The following LENG8 variants were observed in gnomAD, a reference collection of about 807,000 sequenced individuals.
The protein encoded by LENG8 is leukocyte receptor cluster member 8, also known as leukocyte receptor cluster (LRC) member 8.
LENG8 carries 28 observed loss-of-function variants against 102.1 expected under a neutral mutation model. The observed-to-expected ratio is 0.27, with a 90% CI of 0.20 to 0.38. The LOEUF is 0.38. Among genes scored for constraint, LENG8 ranks in the 10% least tolerant of loss-of-function variants. LENG8 has a pLI of 1.00. For missense variants in LENG8, 1,022 were observed against 1,113.9 expected, an observed-to-expected ratio of 0.92 and a Z score of 1.17; for synonymous variants, 531 against 456.7, an observed-to-expected ratio of 1.16 and a Z score of -2.07.
Position 54,455,426 on chromosome 19 carries a change from A to C in LENG8, c.884A>C (p.Glu295Ala). The C allele has an allele frequency of 6.2e-7, 1 of 1,614,098 alleles. No homozygotes were observed. The highest frequency in any genetic ancestry group is 8.5e-7 in the Non-Finnish European group (1 of 1,180,030). Reference protein sequence around the residue: ...KPDDWPQDMKEYVERCFTACE... With the variant: ...KPDDWPQDMKAYVERCFTACE... ...GATGACTGGCCCCAGGACATGAAAG[A>C]GTATGTGGAGCGCTGCTTCACCGCC... is the stretch of plus-strand genomic sequence containing the variant. The change falls in exon 8 of 16, where the codon GAG becomes GCG. Residue 295 changes from glutamate to alanine, a missense_variant. By Grantham distance (107) the Glu-to-Ala change is moderately radical. Transcript: ENST00000326764.
chr19:54,450,816 C>T (rs1230753449), intron 1 of LENG8, among the ~76,000 whole-genome samples: 2 of 152,126 alleles, frequency 1.3e-5, no homozygotes, highest in Non-Finnish European at 2.9e-5. Flanking sequence ...GACGTGGTTA[C>T]TCCATGTTGG....
Position 54,455,399 on chromosome 19 carries a change from C to A in LENG8, c.857C>A (p.Pro286Gln). The change falls in exon 8 of 16, where the codon CCG becomes CAG. Residue 286 changes from proline to glutamine, a missense_variant. Transcript: ENST00000326764. The stretch of plus-strand genomic sequence containing the variant: ...GCCCGGGGGAACCTGTCTGGGAAGC[C>A]GGATGACTGGCCCCAGGACATGAAA... ...SSARGNLSGK[P>Q]DDWPQDMKEY... is the part of the protein sequence containing the mutation. 1 of 1,614,150 alleles carries A rather than the reference C, an allele frequency of 6.2e-7. No individual in the cohort carries two copies. Among genetic ancestry groups the A allele is most frequent in the African/African-American group, 1.3e-5 (1 of 75,042 alleles).
rs767057605 is a variant in LENG8 at position 54,460,188 on chromosome 19, C to CTG, written c.2241-569_2241-568dup. ...TGCCCCTCACTCGGTGCCTGGGTTC[C>CTG]TGTGTGTGTGGAAAGGGTAGGGCTG... On this transcript the variant is annotated intron_variant, in intron 15 of 15. Coordinates refer to ENST00000326764, the MANE Select transcript of LENG8 (RefSeq NM_052925.4). 175 of 1,289,934 alleles carry CTG rather than the reference C, an allele frequency of 1.4e-4. 1 individual carries two copies. The Middle Eastern group carries it at 3.2e-3, about 24-fold the overall frequency. The allele number at this position is 1,289,934 out of a possible 1,614,324, so 79.9% of individuals were successfully genotyped here.
chr19:54,461,500 C>T lies in LENG8; in HGVS notation c.*572C>T, dbSNP rs2123237940. The T allele has an allele frequency of 2.1e-6, 1 of 468,472 alleles. No homozygotes were observed. The highest frequency in any genetic ancestry group is 6.9e-5 in the East Asian group (1 of 14,400). 29.0% of individuals were successfully genotyped at this position (468,472 alleles called of 1,614,324 possible). On this transcript the variant is annotated 3_prime_UTR_variant, in exon 16 of 16. Coordinates refer to ENST00000326764, the MANE Select transcript of LENG8 (RefSeq NM_052925.4). ...CCCCCACCCTGAAGTGCCAGCACCACCAGCACCAGATCCTCCGCCGCCACA... is the reference window on the plus strand; with the variant it reads ...CCCCCACCCTGAAGTGCCAGCACCATCAGCACCAGATCCTCCGCCGCCACA...
rs576662339 is a variant in LENG8 at position 54,460,326 on chromosome 19, G to A, written c.2241-440G>A. On this transcript the variant is annotated intron_variant, in intron 15 of 15. Coordinates refer to ENST00000326764, the MANE Select transcript of LENG8 (RefSeq NM_052925.4). ...GTGACTGCTTTCAGTGTGTAGTGGT[G>A]AGTGCTAGCTGGCACCCCTGCGCCT... The A allele has an allele frequency of 3.3e-6, 4 of 1,229,850 alleles. No homozygotes were observed. The East Asian group carries it at 1.7e-4, about 52-fold the overall frequency. The allele number at this position is 1,229,850 out of a possible 1,614,324, so 76.2% of individuals were successfully genotyped here.
intron 5 of LENG8, 45 bp downstream of exon 5, chr19:54,453,701 G>C: frequency 7.0e-7 from 1 of 1,429,628 alleles, no homozygotes; most frequent in Non-Finnish European, 9.7e-7. Context: ...AGCAGAGGAA[G>C]TGTAGATTTT....
rs769768944 is a variant in LENG8, at chr19:54,455,511, GCGGCTGCAGGACGGCT to G, written c.974_989del (p.Leu325ProfsTer14). 2 of 1,613,952 alleles carry G rather than the reference GCGGCTGCAGGACGGCT, an allele frequency of 1.2e-6. No individual in the cohort carries two copies. Among genetic ancestry groups the G allele is most frequent in the Non-Finnish European group, 8.5e-7 (1 of 1,179,992 alleles). ...AGCTGCTCAAGGAGGTGCTGCAGGCGCGGCTGCAGGACGGCTCGGCCTATACCATTGACTGGAGCCG... is the reference window on the plus strand; with the variant it reads ...AGCTGCTCAAGGAGGTGCTGCAGGCGCGGCCTATACCATTGACTGGAGCCG... On this transcript the variant is annotated frameshift_variant, in exon 8 of 16. Transcript: ENST00000326764. LOFTEE classifies it high-confidence loss of function.
At position 54,461,073 on chromosome 19, in the gene LENG8, C is replaced by G. The variant is rs542025326; in HGVS notation, c.*145C>G. On this transcript the variant is annotated 3_prime_UTR_variant, in exon 16 of 16. Coordinates refer to ENST00000326764, the MANE Select transcript of LENG8 (RefSeq NM_052925.4). ...GAGCCACCATCCCTGCCCCCGTTTT[C>G]CCACCGGGGAGTCTGTACAGAGATT... 5.0e-6 allele frequency: 6 copies of G among 1,203,544 alleles called. No homozygotes were observed. The African/African-American group carries it at 9.1e-5, about 18-fold the overall frequency. The allele number at this position is 1,203,544 out of a possible 1,614,324, so 74.6% of individuals were successfully genotyped here.
At chr19:54,451,515 G>T (rs2123062977) in intron 2 of LENG8, 133 bp downstream of exon 2, 2 of 895,034 alleles carry the variant, frequency 2.2e-6, no homozygotes, top group Non-Finnish European at 1.8e-6. Context: ...GGGGGTGGTG[G>T]TGAGGCAAAC....
chr19:54,460,447 G>T (rs1187364201), intron 15 of LENG8: 2 of 1,287,440 alleles, frequency 1.6e-6, no homozygotes, highest in Non-Finnish European at 9.9e-7. Flanking sequence ...CCCCTGCCAC[G>T]TGCTGCTCCC....
chr19:54,460,739 C>G, intron 15 of LENG8, 27 bp from the exon 16 acceptor site: 2 of 1,458,750 alleles, frequency 1.4e-6, no homozygotes, highest in Non-Finnish European at 1.8e-6. Flanking sequence ...CCGCCCGCCT[C>G]ATCACCTTCT....
chr19:54,455,823 C>T lies in LENG8; in HGVS notation c.1026-144C>T, dbSNP rs1204249035. 6 of 922,970 alleles carry T rather than the reference C, an allele frequency of 6.5e-6. No homozygotes were observed. The East Asian group carries it at 1.6e-4, about 24-fold the overall frequency. The allele number at this position is 922,970 out of a possible 1,614,324, so 57.2% of individuals were successfully genotyped here. Reference sequence around the variant, plus strand: ...GGAGACGGAAAACCTGGGTTCGCGTCTCATTTCTGCACTGTAGTAGCTGAG... The same window carrying T: ...GGAGACGGAAAACCTGGGTTCGCGTTTCATTTCTGCACTGTAGTAGCTGAG... On this transcript the variant is annotated intron_variant, in intron 8 of 15. Coordinates refer to ENST00000326764, the MANE Select transcript of LENG8 (RefSeq NM_052925.4).
In LENG8 at chr19:54,458,486, G is replaced by T; in HGVS notation, c.2205G>T (p.Arg735=). Residue 735 remains arginine (R), a synonymous_variant, in exon 15 of 16, where the codon CGG becomes CGT. Transcript: ENST00000326764. ...SGYLVDKFAD[R]ERKVALKAMI... is the part of the protein sequence containing the mutation. ...ACCTCGTGGACAAGTTTGCAGATCG[G>T]GAGCGCAAGGTCGCCCTCAAGGCCA... 6.2e-7 allele frequency: 1 copy of T among 1,614,220 alleles called. No homozygotes were observed.
In LENG8 at chr19:54,454,920, G is replaced by A. The variant is rs544206717; in HGVS notation, c.680-31G>A. 6.1e-5 allele frequency: 99 copies of A among 1,613,906 alleles called. 1 individual carries two copies. The South Asian group carries it at 1.0e-3, about 17-fold the overall frequency. On this transcript the variant is annotated intron_variant, in intron 6 of 15. Coordinates refer to ENST00000326764, the MANE Select transcript of LENG8 (RefSeq NM_052925.4). ...GGGACCCCTGGATGTGCCGGGGAAG[G>A]GCCTAACCATAGCTTTCGCTGCCCT... is the stretch of plus-strand genomic sequence containing the variant.
At position 54,456,681 on chromosome 19, in the gene LENG8, G is replaced by A. The variant is rs1174317662; in HGVS notation, c.1491G>A (p.Ala497=). 2 of 1,613,178 alleles carry A rather than the reference G, an allele frequency of 1.2e-6. No homozygotes were observed. The highest frequency in any genetic ancestry group is 1.7e-6 in the Non-Finnish European group (2 of 1,179,712). The stretch of plus-strand genomic sequence containing the variant: ...AGCGCAGTCGAAAGAAGATGGCGGC[G>A]CTGGAGTGTGAGGACCCGGAGCGAG... ...PTKRSRKKMA[A]LECEDPEREL... is the part of the protein sequence containing the mutation. Residue 497 remains alanine (A), a synonymous_variant, in exon 11 of 16, where the codon GCG becomes GCA. Coordinates refer to ENST00000326764, the MANE Select transcript of LENG8 (RefSeq NM_052925.4).
chr19:54,450,840 G>C (rs897079880), intron 1 of LENG8, among the ~76,000 whole-genome samples: 3 of 152,020 alleles, frequency 2.0e-5, no homozygotes, highest in Admixed American at 6.6e-5. Context: ...GGCTGGTCTC[G>C]AACTCCCGAC....
Position 54,461,145 on chromosome 19 carries a change from A to C in LENG8, c.*217A>C, listed in dbSNP as rs1046758859. The C allele has an allele frequency of 1.3e-6, 1 of 746,838 alleles. No homozygotes were observed. The highest frequency in any genetic ancestry group is 2.3e-6 in the Non-Finnish European group (1 of 431,902). The allele number at this position is 746,838 out of a possible 1,614,324, so 46.3% of individuals were successfully genotyped here. A position where few individuals can be genotyped will look rare whatever the true frequency, so the allele number is the denominator to read the frequency against. On this transcript the variant is annotated 3_prime_UTR_variant, in exon 16 of 16. Transcript: ENST00000326764. ...CCTCAGAGGGATGGGATTGGGGAGGAGGGGATGGGCAGCGGAGGGTTGGGG... is the reference window on the plus strand; with the variant it reads ...CCTCAGAGGGATGGGATTGGGGAGGCGGGGATGGGCAGCGGAGGGTTGGGG...
In LENG8 at chr19:54,451,509, G is replaced by C; in HGVS notation, c.38+127G>C. The C allele has an allele frequency of 3.2e-6, 3 of 940,310 alleles. No individual in the cohort carries two copies. In the South Asian group the frequency reaches 4.0e-5, roughly 13 times the overall value. The allele number at this position is 940,310 out of a possible 1,614,324, so 58.2% of individuals were successfully genotyped here. A position where few individuals can be genotyped will look rare whatever the true frequency, so the allele number is the denominator to read the frequency against. On this transcript the variant is annotated intron_variant, in intron 2 of 15. Transcript: ENST00000326764. ...GATGCCACAATCCCTGTGGGTGGGG[G>C]TGGTGGTGAGGCAAACACAGAGGGA...
At chr19:54,457,558 C>G (rs1187421545) in intron 11 of LENG8, among the ~76,000 whole-genome samples, 189 bp from the exon 12 acceptor site, 1 of 152,012 alleles carries the variant, frequency 6.6e-6, no homozygotes, top group Non-Finnish European at 1.5e-5. Context: ...CCAGGTTGGT[C>G]TCAAACTCCT....
Sources: allele counts gnomAD v4.1 joint callset (sites outside exome capture counted in the v4.1 genomes callset), GRCh38; gene constraint gnomAD v4.1.1; transcripts MANE v1.5; gene names NCBI Gene and HGNC (gene_info 2026-07-23, HGNC 2026-07-21).